UBA5: variants seen among roughly 807,000 people sequenced by gnomAD.
UBA5 encodes the protein ubiquitin like modifier activating enzyme 5, also known as ubiquitin-like modifier-activating enzyme 5.
A neutral mutation model predicts 52.9 loss-of-function variants in UBA5; 28 were observed. That is an observed-to-expected ratio of 0.53 (90% CI 0.39 to 0.73). The LOEUF (loss-of-function observed/expected upper bound fraction) is 0.73, where lower values mean the gene tolerates loss of function less well. Among genes scored for constraint, UBA5 ranks in the 30% least tolerant of loss-of-function variants. UBA5 has a pLI of 0.00. For synonymous variants in UBA5, 135 were observed against 162.1 expected (o/e 0.83, Z 1.27); for missense variants, 388 against 492.7 (o/e 0.79, Z 2.01).
At chr3:132,658,303 C>CAT (rs1327661757), upstream of UBA5, among the ~76,000 whole-genome samples, 2 of 152,028 alleles carry the variant, frequency 1.3e-5, no homozygotes, top group African/African-American at 4.8e-5. Flanking sequence ...TCCAGAGTTC[C>CAT]ATATATATTT....
At chr3:132,675,977 A>G in intron 11 of UBA5, 54 bp downstream of exon 11, 6 of 1,157,760 alleles carry the variant, frequency 5.2e-6, no homozygotes, top group Middle Eastern at 4.3e-4. Flanking sequence ...AATATTTATC[A>G]TCTTCATTCT....
rs1938792978 is a variant in UBA5, at chr3:132,675,375, G to A, written c.940G>A (p.Glu314Lys). ...DDRNCRKQQE[E>K]YKKKVAALPK... ...CAGAAATTGCAGGAAGCAGCAGGAG[G>A]AATATAAGGTATATGACAATCTGTT... is the stretch of plus-strand genomic sequence containing the variant. The change falls in exon 9 of 12, where the codon GAA becomes AAA. Residue 314 changes from glutamate (E) to lysine (K), a missense_variant. This residue lies in a region of UBA5 where 277 missense variants were observed against 326.4 expected (regional missense o/e 0.85). Coordinates refer to ENST00000356232, the MANE Select transcript of UBA5 (RefSeq NM_024818.6). 6.2e-7 allele frequency: 1 copy of A among 1,613,438 alleles called. No individual in the cohort carries two copies. Among genetic ancestry groups the A allele is most frequent in the East Asian group, 2.2e-5 (1 of 44,778 alleles).
At chr3:132,659,474 A>T, upstream of UBA5, 1 of 1,335,182 alleles carries the variant, frequency 7.5e-7, no homozygotes, top group South Asian at 1.3e-5. Context: ...TCATGCCTGT[A>T]GGGTGCGTCC....
intron 3 of UBA5, 200 bp downstream of exon 3, chr3:132,666,273 T>A: frequency 1.9e-6 from 1 of 527,386 alleles, no homozygotes; most frequent in Non-Finnish European, 3.3e-6. Flanking sequence ...TAATTGTGTT[T>A]AGAAACGTTT....
chr3:132,666,678 A>G (rs1559989542), intron 3 of UBA5, among the ~76,000 whole-genome samples: 1 of 152,148 alleles, frequency 6.6e-6, no homozygotes, highest in Non-Finnish European at 1.5e-5. Flanking sequence ...GTTCTGGTAA[A>G]GGAAGCATTC....
upstream of UBA5, chr3:132,659,584 C>T: frequency 6.2e-7 from 1 of 1,607,482 alleles, no homozygotes; most frequent in Non-Finnish European, 8.5e-7. Flanking sequence ...CCGCTGGAGG[C>T]AAAGGCTGAC....
chr3:132,662,994 T>G (rs185542034), intron 1 of UBA5, among the ~76,000 whole-genome samples: 155 of 152,282 alleles, frequency 1.0e-3, no homozygotes, highest in African/African-American at 3.6e-3. Context: ...GTAAAGGAAT[T>G]TTTTAAAAGA....
At chr3:132,655,634 A>C (rs919089305), upstream of UBA5, among the ~76,000 whole-genome samples, 1 of 152,154 alleles carries the variant, frequency 6.6e-6, no homozygotes, top group African/African-American at 2.4e-5. Flanking sequence ...TTCCTGCCCC[A>C]CACCCAAACA....
chr3:132,660,278 A>C, upstream of UBA5: 2 of 569,280 alleles, frequency 3.5e-6, no homozygotes, highest in Non-Finnish European at 6.2e-6. The surrounding 1 kb of genome is among the most constrained non-coding windows in gnomAD (Gnocchi z 4.1). Context: ...CCCAGCGAGG[A>C]AGGAAGCCGA....
At chr3:132,669,695 C>T (rs1938522363) in intron 4 of UBA5, among the ~76,000 whole-genome samples, 1 of 152,220 alleles carries the variant, frequency 6.6e-6, no homozygotes, top group Non-Finnish European at 1.5e-5. Flanking sequence ...CCATGGGCCA[C>T]AGTTCACCAA....
In UBA5 at chr3:132,675,629, CAA is replaced by C; in HGVS notation, c.974_975del (p.Gln325ArgfsTer12). On this transcript the variant is annotated frameshift_variant, in exon 10 of 12. Transcript: ENST00000356232. LOFTEE classifies it high-confidence loss of function. The part of the protein sequence containing the change: ...YKKKVAALPK[Q>X]EVIQEEEEII... ...GAAAAAGGTAGCAGCACTGCCTAAA[CAA>C]GAGGTTATACAAGAAGAGGAAGAGA... 1 of 1,612,686 alleles carries C rather than the reference CAA, an allele frequency of 6.2e-7. No homozygotes were observed. Among genetic ancestry groups the C allele is most frequent in the South Asian group, 1.1e-5 (1 of 90,848 alleles).
intron 4 of UBA5, among the ~76,000 whole-genome samples, chr3:132,669,593 G>A (rs1334385309): frequency 2.6e-5 from 4 of 152,100 alleles, no homozygotes; most frequent in Admixed American, 1.3e-4. Context: ...AGTCATAAAT[G>A]TTCTTTTGAT....
At chr3:132,664,508 T>G (rs778676844) in intron 1 of UBA5, among the ~76,000 whole-genome samples, 157 of 152,322 alleles carry the variant, frequency 1.0e-3, no homozygotes, top group Non-Finnish European at 1.5e-3. Flanking sequence ...AAATAATTGA[T>G]GACAGTGTTT....
rs924948799 is a variant in UBA5, at chr3:132,660,431, C to A, written c.-107C>A. The A allele has an allele frequency of 2.8e-6, 4 of 1,404,834 alleles. No homozygotes were observed. The highest frequency in any genetic ancestry group is 2.1e-5 in the Admixed American group (1 of 47,798). The allele number at this position is 1,404,834 out of a possible 1,614,324, so 87.0% of individuals were successfully genotyped here. A position where few individuals can be genotyped will look rare whatever the true frequency, so the allele number is the denominator to read the frequency against. Reference sequence around the variant, plus strand: ...CCAGGGCTCTGGGCTAGGAAGGCAGCGGCGAGGTGCCTCCCCACGTACCCC... The same window carrying A: ...CCAGGGCTCTGGGCTAGGAAGGCAGAGGCGAGGTGCCTCCCCACGTACCCC... On this transcript the variant is annotated 5_prime_UTR_variant, in exon 1 of 12. Coordinates refer to ENST00000356232, the MANE Select transcript of UBA5 (RefSeq NM_024818.6). The surrounding 1 kb of genome is among the most constrained non-coding windows in gnomAD (Gnocchi z 4.1).
chr3:132,661,054 C>A, intron 1 of UBA5: 1 of 1,328,398 alleles, frequency 7.5e-7, no homozygotes. Flanking sequence ...CTAAGGTAAA[C>A]TTTGAGTTTC....
At chr3:132,672,743 T>C (rs894691412) in intron 8 of UBA5, among the ~76,000 whole-genome samples, 26 of 152,184 alleles carry the variant, frequency 1.7e-4, no homozygotes, top group African/African-American at 6.0e-4. Flanking sequence ...TAAAAAAGAT[T>C]CTTGAAATCT....
chr3:132,669,269 T>G (rs989614361), intron 4 of UBA5, among the ~76,000 whole-genome samples: 1 of 152,122 alleles, frequency 6.6e-6, no homozygotes, highest in Non-Finnish European at 1.5e-5. Flanking sequence ...TTTTTTTAAT[T>G]AAAAAATAAA....
intron 4 of UBA5, among the ~76,000 whole-genome samples, chr3:132,669,195 A>G (rs1938500090): frequency 6.6e-6 from 1 of 152,204 alleles, no homozygotes; most frequent in Admixed American, 6.5e-5. Flanking sequence ...ATGAATGAGC[A>G]TGTCTGTGCT....
Position 132,676,349 on chromosome 3 carries a change from T to C in UBA5, c.1132-94T>C. On this transcript the variant is annotated intron_variant, in intron 11 of 11. Coordinates refer to ENST00000356232, the MANE Select transcript of UBA5 (RefSeq NM_024818.6). The surrounding 1 kb of genome is among the most constrained non-coding windows in gnomAD (Gnocchi z 4.1). The stretch of plus-strand genomic sequence containing the variant: ...AAAGAAAATTTACTTTATAACCTTG[T>C]TGAGCATGGTCAAAACTTGCTGATT... 1 of 958,798 alleles carries C rather than the reference T, an allele frequency of 1.0e-6. No homozygotes were observed. Among genetic ancestry groups the C allele is most frequent in the Non-Finnish European group, 1.6e-6 (1 of 627,644 alleles). The allele number at this position is 958,798 out of a possible 1,614,324, so 59.4% of individuals were successfully genotyped here.
Sources: allele counts gnomAD v4.1 joint callset (sites outside exome capture counted in the v4.1 genomes callset), GRCh38; gene constraint gnomAD v4.1.1; regional missense constraint gnomAD v4.1.1; non-coding constraint Gnocchi (gnomAD v3.1); transcripts MANE v1.5; gene names NCBI Gene and HGNC (gene_info 2026-07-23, HGNC 2026-07-21).